The following SH3GL1 variants were observed in gnomAD, a reference collection of about 807,000 sequenced individuals.
The protein encoded by SH3GL1 is endophilin-A2.
In SH3GL1, 21 loss-of-function variants were observed where a neutral mutation model predicts 48.8. That is an observed-to-expected ratio of 0.43 (90% CI 0.30 to 0.62). The LOEUF (loss-of-function observed/expected upper bound fraction) is 0.62, where lower values mean the gene tolerates loss of function less well. SH3GL1 is among the 20% of genes least tolerant of loss of function. The pLI, the probability that SH3GL1 is intolerant of heterozygous loss-of-function variation, is 0.11. For missense variants in SH3GL1, 454 were observed against 503.0 expected, an observed-to-expected ratio of 0.90 and a Z score of 0.93; for synonymous variants, 282 against 217.5, an observed-to-expected ratio of 1.30 and a Z score of -2.61.
intron 4 of SH3GL1, 37 bp downstream of exon 4, chr19:4,365,445 G>A (rs752444786): frequency 1.2e-6 from 2 of 1,611,970 alleles, no homozygotes; most frequent in Admixed American, 1.7e-5. Flanking sequence ...GTGGCCTCCA[G>A]GGACGGTGGG....
At chr19:4,373,853 G>A (rs538612957) in intron 1 of SH3GL1, among the ~76,000 whole-genome samples, 1 of 152,354 alleles carries the variant, frequency 6.6e-6, no homozygotes, top group African/African-American at 2.4e-5. Flanking sequence ...GGGTGCCATG[G>A]TAGGGAAAGA....
At chr19:4,378,337 G>A (rs746811882) in intron 1 of SH3GL1, among the ~76,000 whole-genome samples, 24 of 151,992 alleles carry the variant, frequency 1.6e-4, no homozygotes, top group Non-Finnish European at 2.6e-4. Flanking sequence ...TCTGCCGTTC[G>A]GGGCTGTGAC....
At chr19:4,382,479 G>A (rs897227390) in intron 1 of SH3GL1, among the ~76,000 whole-genome samples, 2 of 151,690 alleles carry the variant, frequency 1.3e-5, no homozygotes, top group African/African-American at 2.4e-5. Context: ...GGATGGTCTC[G>A]ATCTCCTGAC....
chr19:4,361,328 G>T lies in SH3GL1; in HGVS notation c.*272C>A, dbSNP rs561086579. The T allele has an allele frequency of 5.9e-6, 3 of 510,706 alleles. No homozygotes were observed. The Admixed American group carries it at 1.0e-4, about 18-fold the overall frequency. The allele number at this position is 510,706 out of a possible 1,614,324, so 31.6% of individuals were successfully genotyped here. On this transcript the variant is annotated 3_prime_UTR_variant, in exon 10 of 10. Coordinates refer to ENST00000269886, the MANE Select transcript of SH3GL1 (RefSeq NM_003025.4). ...TCGGCCAGCTGGGCGAGAAGTTGGG[G>T]AGCGGGGGAGGAGGCTGGCGCCATG...
chr19:4,393,420 G>A (rs993888158), intron 1 of SH3GL1, among the ~76,000 whole-genome samples: 4 of 152,216 alleles, frequency 2.6e-5, no homozygotes, highest in African/African-American at 9.6e-5. Context: ...AGGAGTTCAA[G>A]ACCTGGAGTG....
At chr19:4,364,449 T>C in intron 4 of SH3GL1, 1 of 560,552 alleles carries the variant, frequency 1.8e-6, no homozygotes, top group African/African-American at 1.9e-5. Flanking sequence ...TCCAACTTCT[T>C]TGAGATGAAG....
Position 4,362,625 on chromosome 19 carries a change from G to C in SH3GL1, c.840C>G (p.Ala280=). ...ATGCCCCATTACCTGCGATCTTGGGGGCTGTGGTGCAGGGGAAGCCCCCGT... is the reference window on the plus strand; with the variant it reads ...ATGCCCCATTACCTGCGATCTTGGGCGCTGTGGTGCAGGGGAAGCCCCCGT... The part of the protein sequence containing the change: ...QSNGGFPCTT[A]PKIAASSSFR... The change falls in exon 8 of 10, where the codon GCC becomes GCG. Residue 280 remains alanine, a synonymous_variant. Transcript: ENST00000269886. 1 of 1,613,766 alleles carries C rather than the reference G, an allele frequency of 6.2e-7. No homozygotes were observed. Among genetic ancestry groups the C allele is most frequent in the South Asian group, 1.1e-5 (1 of 91,070 alleles).
chr19:4,398,664 C>T (rs532598409), intron 1 of SH3GL1, among the ~76,000 whole-genome samples: 2 of 152,276 alleles, frequency 1.3e-5, no homozygotes, highest in East Asian at 1.9e-4. Context: ...TGAGCCACCG[C>T]GCCCGGCCAA....
chr19:4,395,029 T>G lies in SH3GL1; in HGVS notation c.45+5295A>C, dbSNP rs377160969. On this transcript the variant is annotated intron_variant, in intron 1 of 9. Transcript: ENST00000269886. ...GCGCTGATGGGCGCGTGCCCCTCCT[T>G]CAGGAGCCCCGATGCCTGTGGCTCT... Among the ~76,000 whole-genome samples, 35 of 152,390 alleles carry G rather than the reference T, an allele frequency of 2.3e-4. No homozygotes were observed. The South Asian group carries it at 5.4e-3, about 23-fold the overall frequency.
intron 1 of SH3GL1, among the ~76,000 whole-genome samples, chr19:4,379,700 G>A (rs954366140): frequency 2.0e-5 from 3 of 151,934 alleles, no homozygotes; most frequent in African/African-American, 4.8e-5. Context: ...GCACACCCAC[G>A]CTCTTCCTGC....
intron 1 of SH3GL1, among the ~76,000 whole-genome samples, chr19:4,369,326 C>T (rs1437203903): frequency 2.0e-5 from 3 of 152,342 alleles, no homozygotes; most frequent in East Asian, 1.9e-4. Context: ...CAGCGGCTGC[C>T]GGAGAGGGAA....
intron 7 of SH3GL1, 50 bp from the exon 8 acceptor site, chr19:4,362,786 AG>A: frequency 4.3e-6 from 7 of 1,611,318 alleles, no homozygotes; most frequent in Non-Finnish European, 5.9e-6. Flanking sequence ...CGGCCGAGGC[AG>A]CCCCACTCTT....
In SH3GL1 at chr19:4,373,475, C is replaced by T. The variant is rs538530054; in HGVS notation, c.46-6481G>A. ...CCTTTGGGAACGGAGGCACTGAAAA[C>T]AATGAATCAAGACAAAGTTTCTGAA... On this transcript the variant is annotated intron_variant, in intron 1 of 9. Coordinates refer to ENST00000269886, the MANE Select transcript of SH3GL1 (RefSeq NM_003025.4). Among the ~76,000 whole-genome samples the T allele has an allele frequency of 8.5e-5, 13 of 152,324 alleles. No individual in the cohort carries two copies. In the East Asian group the frequency reaches 2.3e-3, roughly 27 times the overall value.
At chr19:4,372,182 G>A (rs1050771023) in intron 1 of SH3GL1, among the ~76,000 whole-genome samples, 3 of 152,200 alleles carry the variant, frequency 2.0e-5, no homozygotes, top group Non-Finnish European at 4.4e-5. Flanking sequence ...GGGACCATAG[G>A]AGGGGGTCCA....
intron 1 of SH3GL1, among the ~76,000 whole-genome samples, chr19:4,369,957 C>T (rs1011662678): frequency 3.9e-5 from 6 of 152,274 alleles, no homozygotes; most frequent in East Asian, 3.8e-4. Flanking sequence ...AGCCGGGCCA[C>T]GTGCAGCGCC....
At position 4,363,756 on chromosome 19, in the gene SH3GL1, C is replaced by T. The variant is rs1972692509; in HGVS notation, c.588G>A (p.Val196=). ...ALEKFEESKE[V]AETSMHNLLE... is the part of the protein sequence containing the mutation. The stretch of plus-strand genomic sequence containing the variant: ...GGAGGTTGTGCATGCTGGTTTCTGC[C>T]ACCTCCTTGGACTCCTCGAACTTCT... The change falls in exon 6 of 10, where the codon GTG becomes GTA. Residue 196 remains valine (V), a synonymous_variant. Coordinates refer to ENST00000269886, the MANE Select transcript of SH3GL1 (RefSeq NM_003025.4). 1.9e-6 allele frequency: 3 copies of T among 1,613,828 alleles called. No homozygotes were observed. The highest frequency in any genetic ancestry group is 1.1e-5 in the South Asian group (1 of 91,064).
intron 1 of SH3GL1, among the ~76,000 whole-genome samples, chr19:4,391,612 G>A (rs1973338809): frequency 6.6e-6 from 1 of 152,210 alleles, no homozygotes; most frequent in Non-Finnish European, 1.5e-5. Context: ...ATGCTGCTTG[G>A]TTACAAAGTG....
chr19:4,396,223 C>A (rs1040296928), intron 1 of SH3GL1, among the ~76,000 whole-genome samples: 1 of 151,956 alleles, frequency 6.6e-6, no homozygotes, highest in African/African-American at 2.4e-5. Flanking sequence ...ATGGTGAAAC[C>A]CCGTCTCTAC....
rs996966995 is a variant in SH3GL1 at position 4,400,016 on chromosome 19, C to T, written c.45+308G>A. Among the ~76,000 whole-genome samples, 1 of 152,180 alleles carries T rather than the reference C, an allele frequency of 6.6e-6. No individual in the cohort carries two copies. The highest frequency in any genetic ancestry group is 6.5e-5 in the Admixed American group (1 of 15,286). On this transcript the variant is annotated intron_variant, in intron 1 of 9. Transcript: ENST00000269886. This position sits in a 1 kb window ranked among gnomAD's most constrained non-coding sequence, Gnocchi z 4.1. ...ACAGCCTCGGGACTCCTCTCTTCCC[C>T]TTCTCTCCCCGCACCCCGCCTTTGC...
Sources: gnomAD v4.1 joint callset for allele counts (sites outside exome capture counted in the v4.1 genomes callset) on GRCh38, gnomAD v4.1.1 for gene constraint, Gnocchi (gnomAD v3.1) non-coding constraint, MANE v1.5 for transcripts, NCBI Gene and HGNC (gene_info 2026-07-23, HGNC 2026-07-21) for gene names.